RBFOX1: variants seen among roughly 807,000 people sequenced by gnomAD.
RBFOX1 encodes the protein RNA binding fox-1 homolog 1.
Under a neutral mutation model 57.7 loss-of-function variants are expected in RBFOX1, and 8 were observed. The observed-to-expected ratio is 0.14, with a 90% CI of 0.08 to 0.25. The LOEUF (loss-of-function observed/expected upper bound fraction) is 0.25, where lower values mean the gene tolerates loss of function less well. Among genes scored for constraint, RBFOX1 ranks in the 10% least tolerant of loss-of-function variants. RBFOX1 has a pLI of 1.00. For synonymous variants in RBFOX1, 326 were observed against 222.4 expected (o/e 1.47, Z -4.15); for missense variants, 611 against 548.5 (o/e 1.11, Z -1.14).
chr16:5,708,336 C>T (rs1188916694), intron 3 of RBFOX1, among the ~76,000 whole-genome samples: 1 of 152,140 alleles, frequency 6.6e-6, no homozygotes, highest in South Asian at 2.1e-4. Context: ...AAGACATAGT[C>T]CTGCCTCTCA....
At chr16:6,639,298 T>C (rs12929857) in intron 2 of RBFOX1, among the ~76,000 whole-genome samples, 9,582 of 152,228 alleles carry the variant, frequency 0.063, 398 homozygotes, top group Non-Finnish European at 0.091. Flanking sequence ...AAGTGAAATA[T>C]TCAATTAAAT....
At chr16:7,687,910 T>A (rs1345068379) in intron 14 of RBFOX1, among the ~76,000 whole-genome samples, 3 of 151,810 alleles carry the variant, frequency 2.0e-5, no homozygotes, top group Non-Finnish European at 4.4e-5. Context: ...CCCCAGGGGT[T>A]TTTCAGGCAT....
At chr16:5,611,953 C>T (rs535650972) in intron 3 of RBFOX1, among the ~76,000 whole-genome samples, 79 of 151,880 alleles carry the variant, frequency 5.2e-4, no homozygotes, top group Middle Eastern at 6.8e-3. Flanking sequence ...CAGTGAGACC[C>T]CATCTGTACA....
chr16:5,710,291 G>A (rs997024493), intron 3 of RBFOX1, among the ~76,000 whole-genome samples: 28 of 152,128 alleles, frequency 1.8e-4, no homozygotes, highest in African/African-American at 5.1e-4. Flanking sequence ...GGGCTAGAGC[G>A]AGGCTTGGCA....
At chr16:6,502,290 G>A (rs1458033948) in intron 2 of RBFOX1, among the ~76,000 whole-genome samples, 2 of 152,102 alleles carry the variant, frequency 1.3e-5, no homozygotes, top group African/African-American at 4.8e-5. Context: ...CAGAACCCCT[G>A]ATCTACCTGG....
intron 4 of RBFOX1, among the ~76,000 whole-genome samples, chr16:7,116,971 C>T (rs2066041508): frequency 6.6e-6 from 1 of 151,974 alleles, no homozygotes; most frequent in South Asian, 2.1e-4. Flanking sequence ...AGGGAAAGTC[C>T]ATAGAGAAGG....
chr16:5,999,815 C>G (rs749476585), intron 4 of RBFOX1, among the ~76,000 whole-genome samples: 1 of 102,374 alleles, frequency 9.8e-6, no homozygotes, highest in Non-Finnish European at 1.8e-5. Context: ...GAGCAGAGAT[C>G]GCAGATCGCA....
chr16:6,907,350 G>A (rs1478575368), intron 3 of RBFOX1, among the ~76,000 whole-genome samples: 1 of 152,074 alleles, frequency 6.6e-6, no homozygotes, highest in Non-Finnish European at 1.5e-5. Flanking sequence ...ACAGTGTATC[G>A]AGCTGTCCTT....
At chr16:7,282,226 T>C (rs1489832293) in intron 4 of RBFOX1, among the ~76,000 whole-genome samples, 3 of 152,138 alleles carry the variant, frequency 2.0e-5, no homozygotes, top group Admixed American at 6.5e-5. Flanking sequence ...ACCCATTTTC[T>C]TTGCAGCGTT....
chr16:7,249,365 T>G (rs4474705), intron 4 of RBFOX1, among the ~76,000 whole-genome samples: 103,739 of 151,824 alleles, frequency 0.68, 37,405 homozygotes, highest in African/African-American at 0.92. Context: ...AAGAACAAAA[T>G]CTACCTGAGA....
chr16:7,314,887 G>A (rs1568169032), intron 4 of RBFOX1, among the ~76,000 whole-genome samples: 3 of 152,114 alleles, frequency 2.0e-5, no homozygotes, highest in Admixed American at 1.3e-4. Flanking sequence ...ATGCAGCTTC[G>A]TTTTGAATGT....
intron 2 of RBFOX1, among the ~76,000 whole-genome samples, chr16:6,375,236 C>G: frequency 6.6e-6 from 1 of 152,170 alleles, no homozygotes; most frequent in Non-Finnish European, 1.5e-5. Flanking sequence ...ATAGGGAATT[C>G]TCCATGTCAT....
intron 2 of RBFOX1, among the ~76,000 whole-genome samples, chr16:6,565,495 G>A (rs1307378891): frequency 1.3e-5 from 2 of 150,416 alleles, no homozygotes; most frequent in East Asian, 4.0e-4. Context: ...CTGACCTCGT[G>A]ATCCACCTGC....
At chr16:6,139,669 T>G (rs1161829066) in intron 1 of RBFOX1, among the ~76,000 whole-genome samples, 1 of 152,242 alleles carries the variant, frequency 6.6e-6, no homozygotes, top group Non-Finnish European at 1.5e-5. Flanking sequence ...TGAATATAGA[T>G]TGGCTTGGCC....
intron 3 of RBFOX1, among the ~76,000 whole-genome samples, chr16:6,851,398 A>C (rs902456182): frequency 2.6e-5 from 4 of 152,114 alleles, no homozygotes; most frequent in Admixed American, 2.0e-4. Flanking sequence ...CAATAAGAGT[A>C]GAGGTCATGG....
At chr16:5,694,311 T>C (rs1225334717) in intron 3 of RBFOX1, among the ~76,000 whole-genome samples, 1 of 152,204 alleles carries the variant, frequency 6.6e-6, no homozygotes, top group Non-Finnish European at 1.5e-5. Context: ...ATTATCACTG[T>C]TTTACCTTGT....
intron 4 of RBFOX1, among the ~76,000 whole-genome samples, chr16:7,166,177 C>G (rs116626573): frequency 6.6e-6 from 1 of 152,022 alleles, no homozygotes; most frequent in Non-Finnish European, 1.5e-5. Context: ...GCACACCCAG[C>G]TAATTTTTGT....
At chr16:6,649,725 A>G (rs931703604) in intron 2 of RBFOX1, among the ~76,000 whole-genome samples, 1 of 152,138 alleles carries the variant, frequency 6.6e-6, no homozygotes, top group Non-Finnish European at 1.5e-5. Context: ...GTAGTATTCC[A>G]TTATATATGT....
At chr16:7,412,109 A>T (rs1240471992) in intron 4 of RBFOX1, among the ~76,000 whole-genome samples, 1 of 152,062 alleles carries the variant, frequency 6.6e-6, no homozygotes, top group Non-Finnish European at 1.5e-5. Context: ...TTAGTTGTGA[A>T]CATGTACCAT....
Sources: gnomAD v4.1 joint callset for allele counts (sites outside exome capture counted in the v4.1 genomes callset) on GRCh38, gnomAD v4.1.1 for gene constraint, MANE v1.5 for transcripts, NCBI Gene and HGNC (gene_info 2026-07-23, HGNC 2026-07-21) for gene names.